IK: variants seen among roughly 807,000 people sequenced by gnomAD.
IK encodes protein Red.
IK carries 47 observed loss-of-function variants against 90.9 expected under a neutral mutation model. That is an observed-to-expected ratio of 0.52 (90% CI 0.41 to 0.66). The LOEUF (loss-of-function observed/expected upper bound fraction) is 0.66, where lower values mean the gene tolerates loss of function less well. Among genes scored for constraint, IK ranks in the 30% least tolerant of loss-of-function variants. IK has a pLI of 0.00. For missense variants in IK, 385 were observed against 709.3 expected (o/e 0.54, Z 5.19); for synonymous variants, 201 against 227.5 (o/e 0.88, Z 1.05).
intron 2 of IK, among the ~76,000 whole-genome samples, chr5:140,651,130 A>T (rs1757608551): frequency 6.6e-6 from 1 of 152,110 alleles, no homozygotes; most frequent in Non-Finnish European, 1.5e-5. Flanking sequence ...ACTTTCTGGT[A>T]GTTAACACTC....
intron 2 of IK, 78 bp downstream of exon 2, chr5:140,648,615 G>A (rs1757544025): frequency 1.5e-6 from 2 of 1,351,460 alleles, no homozygotes; most frequent in Non-Finnish European, 2.1e-6. Context: ...AAAGAATTCT[G>A]AATGTCTTGT....
At chr5:140,655,098 C>T (rs1459158875) in intron 8 of IK, among the ~76,000 whole-genome samples, 1 of 152,036 alleles carries the variant, frequency 6.6e-6, no homozygotes, top group Non-Finnish European at 1.5e-5. Flanking sequence ...TCTTTCTTGC[C>T]CCCAAAACAA....
rs746748598 is a variant in IK at position 140,659,103 on chromosome 5, G to C, written c.1115G>C (p.Arg372Pro). The C allele has an allele frequency of 1.9e-6, 3 of 1,608,642 alleles. No individual in the cohort carries two copies. Among genetic ancestry groups the C allele is most frequent in the Non-Finnish European group, 2.5e-6 (3 of 1,176,984 alleles). Residue 372 changes from arginine to proline, a missense_variant, in exon 12 of 20, where the codon CGA becomes CCA. Physicochemically the swap from Arg to Pro is moderately radical, Grantham distance 103. Around this residue, in one of 8 missense-constraint regions of IK, gnomAD observed 139 missense variants for 172.0 expected, o/e 0.81. Coordinates refer to ENST00000417647, the MANE Select transcript of IK (RefSeq NM_006083.4). ...CGGGAACGAGAGCGAGAGCGGGACC[G>C]AGAGAGAGAAGAGGAAAAGAAGAGA... Reference protein sequence around the residue: ...RDRERERERDREREEEKKRHS... With the variant: ...RDRERERERDPEREEEKKRHS...
rs1362429504 is a variant in IK, at chr5:140,662,229, C to T, written c.1646+16C>T. On this transcript the variant is annotated intron_variant, in intron 19 of 19. Transcript: ENST00000417647. ...AAGCTGATGGGTGAGCGGCATTATT[C>T]TTCCTCTGTGGGACTGGTGGGAATT... 1 of 1,614,000 alleles carries T rather than the reference C, an allele frequency of 6.2e-7. No individual in the cohort carries two copies. The highest frequency in any genetic ancestry group is 1.1e-5 in the South Asian group (1 of 91,084).
intron 11 of IK, 33 bp from the exon 12 acceptor site, chr5:140,658,906 A>G: frequency 6.2e-7 from 1 of 1,613,010 alleles, no homozygotes; most frequent in Non-Finnish European, 8.5e-7. Context: ...TGTATGTGTG[A>G]ATTTGGCCAG....
chr5:140,658,042 C>T (rs1473354092), intron 10 of IK, among the ~76,000 whole-genome samples: 1 of 152,188 alleles, frequency 6.6e-6, no homozygotes, highest in African/African-American at 2.4e-5. Flanking sequence ...CTCTGTCACC[C>T]AGGCTGGAGT....
chr5:140,656,119 A>C, intron 9 of IK, 127 bp downstream of exon 9: 3 of 780,398 alleles, frequency 3.8e-6, no homozygotes, highest in Non-Finnish European at 6.0e-6. Context: ...CTAAATCTCA[A>C]CTGAATCCAT....
chr5:140,655,766 A>T, intron 8 of IK, 63 bp from the exon 9 acceptor site: 1 of 1,537,188 alleles, frequency 6.5e-7, no homozygotes, highest in Non-Finnish European at 8.9e-7. Flanking sequence ...GCACAGAGTA[A>T]GCACATAAGT....
chr5:140,657,469 G>A (rs1214006708), intron 9 of IK, 85 bp from the exon 10 acceptor site: 1 of 935,452 alleles, frequency 1.1e-6, no homozygotes, highest in African/African-American at 1.7e-5. Flanking sequence ...TTGTAATTCA[G>A]TCTTTAGTTT....
intron 1 of IK, 62 bp downstream of exon 1, chr5:140,647,986 G>A (rs1757508936): frequency 1.3e-6 from 2 of 1,522,530 alleles, no homozygotes; most frequent in South Asian, 1.1e-5. Flanking sequence ...GCGCATTATT[G>A]TAGCTTCTGA....
rs1452854989 is a variant in IK at position 140,660,344 on chromosome 5, CTGGAATGCAA to C, written c.1355+153_1355+162del. The C allele has an allele frequency of 3.1e-5, 17 of 554,018 alleles. No individual in the cohort carries two copies. The Admixed American group carries it at 4.1e-4, about 13-fold the overall frequency. The allele number at this position is 554,018 out of a possible 1,614,324, so 34.3% of individuals were successfully genotyped here. A position where few individuals can be genotyped will look rare whatever the true frequency, so the allele number is the denominator to read the frequency against. On this transcript the variant is annotated intron_variant, in intron 15 of 19. Coordinates refer to ENST00000417647, the MANE Select transcript of IK (RefSeq NM_006083.4). The stretch of plus-strand genomic sequence containing the variant: ...ACAGAGTCTCACTCTGTCACCCAGG[CTGGAATGCAA>C]TGGTATAATCTCTGCTCGCTGCAAT...
At chr5:140,657,205 A>G (rs1001156936) in intron 9 of IK, among the ~76,000 whole-genome samples, 1 of 152,230 alleles carries the variant, frequency 6.6e-6, no homozygotes, top group Non-Finnish European at 1.5e-5. Flanking sequence ...TCTGTCTCCA[A>G]ATAAATAAAT....
In IK at chr5:140,653,216, C is replaced by G. The variant is rs1581481835; in HGVS notation, c.404+72C>G. 3 of 1,356,554 alleles carry G rather than the reference C, an allele frequency of 2.2e-6. No individual in the cohort carries two copies. In the South Asian group the frequency reaches 4.0e-5, roughly 18 times the overall value. 84.0% of individuals were successfully genotyped at this position (1,356,554 alleles called of 1,614,324 possible). A position where few individuals can be genotyped will look rare whatever the true frequency, so the allele number is the denominator to read the frequency against. On this transcript the variant is annotated intron_variant, in intron 5 of 19. Coordinates refer to ENST00000417647, the MANE Select transcript of IK (RefSeq NM_006083.4). ...CATGCAAATACAATGTGAACTCTTC[C>G]TCTTACTTTCCTGCCCTGGAGCCTA... is the stretch of plus-strand genomic sequence containing the variant.
chr5:140,651,178 G>A (rs892756750), intron 2 of IK, among the ~76,000 whole-genome samples: 7 of 152,132 alleles, frequency 4.6e-5, no homozygotes, highest in African/African-American at 1.2e-4. Flanking sequence ...CTGGTCGGGC[G>A]TGGTGGCTTA....
chr5:140,660,813 C>T lies in IK; in HGVS notation c.1411C>T (p.Gln471Ter). The T allele has an allele frequency of 6.2e-7, 1 of 1,611,730 alleles. No individual in the cohort carries two copies. Among genetic ancestry groups the T allele is most frequent in the Non-Finnish European group, 8.5e-7 (1 of 1,178,038 alleles). The change falls in exon 16 of 20, where the codon CAG becomes TAG. Residue 471 changes from glutamine to a stop codon, truncating the protein, a stop_gained and splice_region_variant. Coordinates refer to ENST00000417647, the MANE Select transcript of IK (RefSeq NM_006083.4). LOFTEE classifies it high-confidence loss of function. ...GGAGGTGGATTATAGCAAAATGGAC[C>T]AGGTATGTAGTTAGAAGGATGGTGG... ...DEEVDYSKMD[Q>*]GNKKGPLGRW...
At chr5:140,655,745 C>T in intron 8 of IK, 84 bp from the exon 9 acceptor site, 1 of 1,380,722 alleles carries the variant, frequency 7.2e-7, no homozygotes, top group Non-Finnish European at 1.0e-6. Context: ...TAGCACTTGG[C>T]ATGGTGGCTA....
Position 140,659,542 on chromosome 5 carries a change from C to T in IK, c.1195+209C>T, listed in dbSNP as rs1757766725. 2.0e-5 allele frequency among the ~76,000 whole-genome samples: 3 copies of T among 152,272 alleles called. No homozygotes were observed. In the South Asian group the frequency reaches 6.2e-4, roughly 32 times the overall value. On this transcript the variant is annotated intron_variant, in intron 13 of 19. Transcript: ENST00000417647. Reference sequence around the variant, plus strand: ...GCTCTTAGATATAATTCCTGTGGCCCTGGGGTTCTGAGGAGGTGAGGTAGA... The same window carrying T: ...GCTCTTAGATATAATTCCTGTGGCCTTGGGGTTCTGAGGAGGTGAGGTAGA...
Position 140,651,782 on chromosome 5 carries a change from C to T in IK, c.152C>T (p.Pro51Leu), listed in dbSNP as rs762473306. The T allele has an allele frequency of 6.2e-7, 1 of 1,609,470 alleles. No individual in the cohort carries two copies. The highest frequency in any genetic ancestry group is 8.5e-7 in the Non-Finnish European group (1 of 1,175,852). Reference sequence around the variant, plus strand: ...CCCAGGGCTGCACCTACCTCTGCACCACCTTCTAAGTCACGTCACCATGAG... The same window carrying T: ...CCCAGGGCTGCACCTACCTCTGCACTACCTTCTAAGTCACGTCACCATGAG... ...MTPRAAPTSA[P>L]PSKSRHHEMP... Residue 51 changes from proline (P) to leucine (L), a missense_variant, in exon 3 of 20, where the codon CCA becomes CTA. By Grantham distance (98) the Pro-to-Leu change is moderately conservative (BLOSUM62 -3). Coordinates refer to ENST00000417647, the MANE Select transcript of IK (RefSeq NM_006083.4).
Position 140,654,720 on chromosome 5 carries a change from A to G in IK, c.630A>G (p.Thr210=). ...EDPENKIEFK[T]RLGRNVYRML... The stretch of plus-strand genomic sequence containing the variant: ...CTGAAAATAAAATTGAATTTAAAAC[A>G]CGTCTGGGTGAGTACAGTTTCTATA... Residue 210 remains threonine (T), a synonymous_variant, in exon 8 of 20, where the codon ACA becomes ACG. Transcript: ENST00000417647. The G allele has an allele frequency of 4.4e-6, 7 of 1,597,580 alleles. No individual in the cohort carries two copies. The highest frequency in any genetic ancestry group is 6.0e-6 in the Non-Finnish European group (7 of 1,167,320).
Sources: gnomAD v4.1 joint callset for allele counts (sites outside exome capture counted in the v4.1 genomes callset) on GRCh38, gnomAD v4.1.1 for gene constraint, gnomAD v4.1.1 regional missense constraint, MANE v1.5 for transcripts, NCBI Gene and HGNC (gene_info 2026-07-23, HGNC 2026-07-21) for gene names.